The following ZBTB17 variants were observed in gnomAD, a reference collection of about 807,000 sequenced individuals.
ZBTB17 encodes zinc finger and BTB domain-containing protein 17.
In ZBTB17, 24 loss-of-function variants were observed where a neutral mutation model predicts 85.1. The observed-to-expected ratio is 0.28, with a 90% CI of 0.20 to 0.40. ZBTB17 has a LOEUF of 0.40. ZBTB17 is among the 10% of genes least tolerant of loss of function. The pLI, the probability that ZBTB17 is intolerant of heterozygous loss-of-function variation, is 1.00. For missense variants in ZBTB17, 743 were observed against 1,105.1 expected (o/e 0.67, Z 4.65); for synonymous variants, 464 against 460.2 (o/e 1.01, Z -0.11).
In ZBTB17 at chr1:15,944,142, C is replaced by T. The variant is rs775434518; in HGVS notation, c.1371+158G>A. 9 of 1,200,438 alleles carry T rather than the reference C, an allele frequency of 7.5e-6. No homozygotes were observed. The South Asian group carries it at 1.0e-4, about 14-fold the overall frequency. The allele number at this position is 1,200,438 out of a possible 1,614,324, so 74.4% of individuals were successfully genotyped here. A position where few individuals can be genotyped will look rare whatever the true frequency, so the allele number is the denominator to read the frequency against. On this transcript the variant is annotated intron_variant, in intron 9 of 15. Transcript: ENST00000375743. ...TCCGCAGAGCAACCGGGAGCTCCCCCGCGGAAGTGGCTCTCGCTGCGCCTG... is the reference window on the plus strand; with the variant it reads ...TCCGCAGAGCAACCGGGAGCTCCCCTGCGGAAGTGGCTCTCGCTGCGCCTG...
chr1:15,945,328 G>A, intron 6 of ZBTB17, 126 bp from the exon 7 acceptor site: 1 of 1,452,120 alleles, frequency 6.9e-7, no homozygotes, highest in Non-Finnish European at 9.0e-7. Flanking sequence ...CCCCCGGGGG[G>A]GCCTGTGAAC....
chr1:15,944,028 T>C, intron 9 of ZBTB17, 133 bp from the exon 10 acceptor site: 1 of 1,005,698 alleles, frequency 9.9e-7, no homozygotes, highest in Non-Finnish European at 1.5e-6. Context: ...CTCTCCTGGG[T>C]CAGGAGAGGT....
chr1:15,944,614 A>G lies in ZBTB17; in HGVS notation c.1071-14T>C. 1 of 1,599,650 alleles carries G rather than the reference A, an allele frequency of 6.3e-7. No individual in the cohort carries two copies. Among genetic ancestry groups the G allele is most frequent in the Non-Finnish European group, 8.5e-7 (1 of 1,179,572 alleles). Reference sequence around the variant, plus strand: ...GGCTTCAGAGGGCTGCAGGGCCAGAAGGCGACAGGAGGCAGGGCTCGCTGG... The same window carrying G: ...GGCTTCAGAGGGCTGCAGGGCCAGAGGGCGACAGGAGGCAGGGCTCGCTGG... On this transcript the variant is annotated splice_polypyrimidine_tract_variant and intron_variant, in intron 8 of 15. Coordinates refer to ENST00000375743, the MANE Select transcript of ZBTB17 (RefSeq NM_003443.3).
At chr1:15,956,393 C>T (rs969575996) in intron 2 of ZBTB17, among the ~76,000 whole-genome samples, 2 of 152,172 alleles carry the variant, frequency 1.3e-5, no homozygotes, top group African/African-American at 4.8e-5. Flanking sequence ...AGCAGAGATC[C>T]CTGGCTTTTT....
chr1:15,954,882 C>T (rs1012578271), intron 2 of ZBTB17, among the ~76,000 whole-genome samples: 12 of 152,006 alleles, frequency 7.9e-5, no homozygotes, highest in South Asian at 2.1e-4. Context: ...TGGCCAGGTG[C>T]GGTGGCTCAC....
chr1:15,955,773 G>A (rs188642553), intron 2 of ZBTB17, among the ~76,000 whole-genome samples: 10 of 152,316 alleles, frequency 6.6e-5, no homozygotes, highest in South Asian at 2.1e-4. Flanking sequence ...GGGCAACATA[G>A]TGAGACCCCA....
intron 9 of ZBTB17, 110 bp from the exon 10 acceptor site, chr1:15,944,005 T>G (rs1215125581): frequency 8.7e-7 from 1 of 1,145,814 alleles, no homozygotes; most frequent in Non-Finnish European, 1.3e-6. Flanking sequence ...CCAGGGTCCG[T>G]GAAGGGCTCT....
In ZBTB17 at chr1:15,945,018, G is replaced by A. The variant is rs933970692; in HGVS notation, c.846C>T (p.Ser282=). The A allele has an allele frequency of 5.0e-6, 8 of 1,602,358 alleles. No homozygotes were observed. The highest frequency in any genetic ancestry group is 1.6e-4 in the Middle Eastern group (1 of 6,068). The part of the protein sequence containing the change: ...AGTDSGQELG[S]EARGLRSGTY... ...TGCCTGAGCGCAGGCCCCGGGCCTC[G>A]GAGCCGAGCTCCTGCCCCGAGTCTG... Residue 282 remains serine (S), a synonymous_variant, in exon 7 of 16, where the codon TCC becomes TCT. Coordinates refer to ENST00000375743, the MANE Select transcript of ZBTB17 (RefSeq NM_003443.3).
Position 15,944,346 on chromosome 1 carries a change from G to A in ZBTB17, c.1325C>T (p.Thr442Met), listed in dbSNP as rs201403214. 7 of 1,556,864 alleles carry A rather than the reference G, an allele frequency of 4.5e-6. No homozygotes were observed. In the African/African-American group the frequency reaches 5.5e-5, roughly 12 times the overall value. Residue 442 changes from threonine to methionine, a missense_variant, in exon 9 of 16, where the codon ACG (threonine) becomes ATG (methionine). Physicochemically the swap from Thr to Met is moderately conservative, Grantham distance 81. Around this residue, in one of 4 missense-constraint regions of ZBTB17, gnomAD observed 321 missense variants for 615.7 expected, o/e 0.52. Coordinates refer to ENST00000375743, the MANE Select transcript of ZBTB17 (RefSeq NM_003443.3). ...GTGTGGGCACTTGTGCTCCTTGTCCGTGTCGTGGGTCTCCAGGTGGCGCAT... is the reference window on the plus strand; with the variant it reads ...GTGTGGGCACTTGTGCTCCTTGTCCATGTCGTGGGTCTCCAGGTGGCGCAT... ...SKMRHLETHD[T>M]DKEHKCPHCD... is the part of the protein sequence containing the mutation.
At chr1:15,947,272 G>T in intron 3 of ZBTB17, 149 bp from the exon 4 acceptor site, 1 of 784,950 alleles carries the variant, frequency 1.3e-6, no homozygotes, top group Non-Finnish European at 2.0e-6. Context: ...TGGAGAGGAG[G>T]CAGGTAACCT....
chr1:15,943,357 T>C, intron 12 of ZBTB17, 42 bp downstream of exon 12: 1 of 1,580,892 alleles, frequency 6.3e-7, no homozygotes, highest in Non-Finnish European at 8.6e-7. Flanking sequence ...GCCCCCTCAC[T>C]GTGGGGTGTC....
chr1:15,971,505 ACACACAC>A (rs2072675391), intron 2 of ZBTB17, among the ~76,000 whole-genome samples: 2 of 16,188 alleles, frequency 1.2e-4, no homozygotes, highest in South Asian at 2.1e-3. Context: ...ATATATATAC[ACACACAC>A]TATATATATA....
At chr1:15,965,029 G>A (rs1042483388) in intron 2 of ZBTB17, among the ~76,000 whole-genome samples, 6 of 151,694 alleles carry the variant, frequency 4.0e-5, no homozygotes, top group African/African-American at 1.5e-4. Flanking sequence ...CAGGAGAATC[G>A]CTTGAACCTG....
chr1:15,955,624 CT>C lies in ZBTB17; in HGVS notation c.-2-7128del, dbSNP rs571464786. 1.6e-3 allele frequency among the ~76,000 whole-genome samples: 250 copies of C among 152,256 alleles called. 1 individual carries two copies. Among genetic ancestry groups the C allele is most frequent in the Non-Finnish European group, 2.7e-3 (187 of 68,018 alleles). On this transcript the variant is annotated intron_variant, in intron 2 of 15. Transcript: ENST00000375743. ...ATATAAAATGCAGTTATGATGCTGA[CT>C]TTGCTTTTCAAACTATACAACTACC...
chr1:15,945,920 T>C (rs1300636296), intron 5 of ZBTB17, 80 bp from the exon 6 acceptor site: 1 of 1,563,538 alleles, frequency 6.4e-7, no homozygotes, highest in Non-Finnish European at 8.6e-7. Flanking sequence ...AGCGCGCTGG[T>C]GGTGGCTGCG....
At chr1:15,949,710 T>TG (rs1257994259) in intron 2 of ZBTB17, among the ~76,000 whole-genome samples, 1 of 152,210 alleles carries the variant, frequency 6.6e-6, no homozygotes, top group Non-Finnish European at 1.5e-5. Flanking sequence ...GGTGAATCAC[T>TG]GCCGCAGCTC....
In ZBTB17 at chr1:15,945,015, C is replaced by T; in HGVS notation, c.849G>A (p.Glu283=). The T allele has an allele frequency of 1.2e-6, 2 of 1,600,884 alleles. No homozygotes were observed. Among genetic ancestry groups the T allele is most frequent in the Non-Finnish European group, 1.7e-6 (2 of 1,175,490 alleles). Residue 283 remains glutamate (E), a synonymous_variant, in exon 7 of 16, where the codon GAG becomes GAA. Coordinates refer to ENST00000375743, the MANE Select transcript of ZBTB17 (RefSeq NM_003443.3). ...GTDSGQELGS[E]ARGLRSGTYG... is the part of the protein sequence containing the mutation. ...AGGTGCCTGAGCGCAGGCCCCGGGC[C>T]TCGGAGCCGAGCTCCTGCCCCGAGT...
At chr1:15,944,263 GGCT>G (rs2071491909) in intron 9 of ZBTB17, 34 bp downstream of exon 9, 1 of 1,547,526 alleles carries the variant, frequency 6.5e-7, no homozygotes, top group Non-Finnish European at 8.7e-7. Flanking sequence ...GGCCACCGGC[GGCT>G]GCCAGGCGCT....
Position 15,942,566 on chromosome 1 carries a change from G to A in ZBTB17, c.2001C>T (p.Thr667=), listed in dbSNP as rs753306123. 1.4e-5 allele frequency: 23 copies of A among 1,611,900 alleles called. No homozygotes were observed. The highest frequency in any genetic ancestry group is 6.7e-5 in the East Asian group (3 of 44,894). Residue 667 remains threonine (T), a synonymous_variant, in exon 14 of 16, where the codon ACC becomes ACT. Coordinates refer to ENST00000375743, the MANE Select transcript of ZBTB17 (RefSeq NM_003443.3). ...VTVDDMVTLA[T]EALAATAVTQ... ...TGACGGCTGTCGCTGCCAGTGCCTC[G>A]GTAGCCAGCGTGACCATGTCATCCA...
Sources: allele counts gnomAD v4.1 joint callset (sites outside exome capture counted in the v4.1 genomes callset), GRCh38; gene constraint gnomAD v4.1.1; regional missense constraint gnomAD v4.1.1; transcripts MANE v1.5; gene names NCBI Gene and HGNC (gene_info 2026-07-23, HGNC 2026-07-21).